GTF2B: variants seen among roughly 807,000 people sequenced by gnomAD.
GTF2B encodes general transcription factor IIB, also known as transcription initiation factor IIB.
A neutral mutation model predicts 34.6 loss-of-function variants in GTF2B; 20 were observed. The observed-to-expected ratio is 0.58, with a 90% CI of 0.41 to 0.84. GTF2B has a LOEUF of 0.84. Among genes scored for constraint, GTF2B ranks in the 40% least tolerant of loss-of-function variants. The pLI is 0.00. For missense variants in GTF2B, 237 were observed against 393.3 expected, an observed-to-expected ratio of 0.60 and a Z score of 3.36; for synonymous variants, 142 against 132.4, an observed-to-expected ratio of 1.07 and a Z score of -0.50.
intron 3 of GTF2B, among the ~76,000 whole-genome samples, chr1:88,863,166 T>C (rs970410812): frequency 6.6e-6 from 1 of 152,116 alleles, no homozygotes; most frequent in African/African-American, 2.4e-5. Flanking sequence ...ACAATACATG[T>C]TATATAAATA....
At chr1:88,876,366 T>G (rs1046772172) in intron 2 of GTF2B, among the ~76,000 whole-genome samples, 1 of 152,068 alleles carries the variant, frequency 6.6e-6, no homozygotes, top group Non-Finnish European at 1.5e-5. Flanking sequence ...ACCCTCTTTT[T>G]CTACAAGGTT....
chr1:88,871,729 T>A (rs778238031), intron 2 of GTF2B, among the ~76,000 whole-genome samples: 1 of 152,192 alleles, frequency 6.6e-6, no homozygotes, highest in South Asian at 2.1e-4. Context: ...CTGCTCTTTT[T>A]ATTTATTATT....
At chr1:88,857,954 T>A (rs545980821) in intron 5 of GTF2B, among the ~76,000 whole-genome samples, 26 of 151,902 alleles carry the variant, frequency 1.7e-4, no homozygotes, top group African/African-American at 5.8e-4. Context: ...AGTGCTGAGA[T>A]TACAGGCATG....
intron 1 of GTF2B, among the ~76,000 whole-genome samples, chr1:88,890,123 A>T (rs1674165875): frequency 6.6e-6 from 1 of 152,086 alleles, no homozygotes; most frequent in African/African-American, 2.4e-5. Flanking sequence ...CATATCTAGA[A>T]AAAAATTTCA....
chr1:88,879,259 T>C (rs556025350), intron 2 of GTF2B, among the ~76,000 whole-genome samples: 3 of 152,130 alleles, frequency 2.0e-5, no homozygotes, highest in East Asian at 3.9e-4. Context: ...AAATATACTT[T>C]TGGTATTATG....
intron 6 of GTF2B, among the ~76,000 whole-genome samples, chr1:88,855,580 T>C (rs976801007): frequency 6.6e-6 from 1 of 151,678 alleles, no homozygotes; most frequent in Non-Finnish European, 1.5e-5. Context: ...CTTGAACTGC[T>C]GGCCTCAAGC....
chr1:88,863,683 A>G (rs951185410), intron 3 of GTF2B, among the ~76,000 whole-genome samples: 4 of 152,146 alleles, frequency 2.6e-5, no homozygotes, highest in East Asian at 1.9e-4. Flanking sequence ...TTCAAAGAAC[A>G]TATCAATATT....
chr1:88,891,220 G>C (rs1470917986), intron 1 of GTF2B, among the ~76,000 whole-genome samples: 1 of 152,062 alleles, frequency 6.6e-6, no homozygotes, highest in African/African-American at 2.4e-5. Context: ...AAGGACTGGG[G>C]ACACAGTAGC....
rs181963691 is a variant in GTF2B, at chr1:88,871,880, C to G, written c.125-7766G>C. On this transcript the variant is annotated intron_variant, in intron 2 of 6. Transcript: ENST00000370500. ...CCGAGTAGCTGGGATTACAGGCATC[C>G]ACCACCACGCCCAGCTAATTTTTTG... Among the ~76,000 whole-genome samples, 331 of 152,006 alleles carry G rather than the reference C, an allele frequency of 2.2e-3. 1 individual carries two copies. Among genetic ancestry groups the G allele is most frequent in the Non-Finnish European group, 3.4e-3 (229 of 67,926 alleles).
chr1:88,887,223 G>T, intron 2 of GTF2B, 38 bp downstream of exon 2: 2 of 1,344,872 alleles, frequency 1.5e-6, no homozygotes, highest in South Asian at 2.4e-5. Flanking sequence ...TTGGCCTCCT[G>T]AACAGTAATT....
chr1:88,876,564 G>A (rs1205387783), intron 2 of GTF2B, among the ~76,000 whole-genome samples: 2 of 151,978 alleles, frequency 1.3e-5, no homozygotes, highest in South Asian at 2.1e-4. Flanking sequence ...AGCCCGTGGC[G>A]ACAGCTACTT....
At chr1:88,862,029 A>G (rs1286973250) in intron 3 of GTF2B, among the ~76,000 whole-genome samples, 1 of 152,200 alleles carries the variant, frequency 6.6e-6, no homozygotes, top group African/African-American at 2.4e-5. Flanking sequence ...ACAAACCTAA[A>G]TTTTTTTAAA....
At chr1:88,856,528 G>A (rs941240670) in intron 6 of GTF2B, among the ~76,000 whole-genome samples, 4 of 152,006 alleles carry the variant, frequency 2.6e-5, no homozygotes, top group Admixed American at 6.6e-5. Flanking sequence ...CCCATGCCAA[G>A]CAGTGAGAAA....
At chr1:88,856,244 G>A (rs1329944863) in intron 6 of GTF2B, among the ~76,000 whole-genome samples, 2 of 121,906 alleles carry the variant, frequency 1.6e-5, no homozygotes, top group Non-Finnish European at 3.2e-5. Flanking sequence ...CCTCCAGCCT[G>A]CGCAACAGAG....
At chr1:88,870,578 A>G (rs1268648437) in intron 2 of GTF2B, among the ~76,000 whole-genome samples, 1 of 152,146 alleles carries the variant, frequency 6.6e-6, no homozygotes, top group African/African-American at 2.4e-5. Context: ...ACTAATTGCT[A>G]TATTTTATAT....
Position 88,891,510 on chromosome 1 carries a change from A to G in GTF2B, c.-11T>C, listed in dbSNP as rs755451925. ...GCTGGTAGACGCCATCTTCACGGCGACTGCGGTGCCCGCAACAAGACACAA... is the reference window on the plus strand; with the variant it reads ...GCTGGTAGACGCCATCTTCACGGCGGCTGCGGTGCCCGCAACAAGACACAA... On this transcript the variant is annotated 5_prime_UTR_variant, in exon 1 of 7. Coordinates refer to ENST00000370500, the MANE Select transcript of GTF2B (RefSeq NM_001514.6). 1.9e-6 allele frequency: 3 copies of G among 1,602,248 alleles called. No homozygotes were observed. Among genetic ancestry groups the G allele is most frequent in the East Asian group, 2.3e-5 (1 of 44,216 alleles).
intron 5 of GTF2B, among the ~76,000 whole-genome samples, chr1:88,859,019 C>G (rs2100963348): frequency 6.6e-6 from 1 of 152,126 alleles, no homozygotes; most frequent in South Asian, 2.1e-4. Context: ...AGGCGCGCAC[C>G]ACCACGCCTG....
At chr1:88,866,554 C>T (rs1311981878) in intron 2 of GTF2B, among the ~76,000 whole-genome samples, 1 of 152,036 alleles carries the variant, frequency 6.6e-6, no homozygotes, top group Non-Finnish European at 1.5e-5. Context: ...AGATATGCAC[C>T]ACCACTGCCT....
chr1:88,865,291 A>G (rs1281168635), intron 2 of GTF2B, among the ~76,000 whole-genome samples: 2 of 152,374 alleles, frequency 1.3e-5, no homozygotes, highest in East Asian at 3.9e-4. Flanking sequence ...ACCCATGTAC[A>G]GTGCATGTAA....
Sources: allele counts gnomAD v4.1 joint callset (sites outside exome capture counted in the v4.1 genomes callset), GRCh38; gene constraint gnomAD v4.1.1; transcripts MANE v1.5; gene names NCBI Gene and HGNC (gene_info 2026-07-23, HGNC 2026-07-21).